The following BMPR2 variants were observed in gnomAD, a reference collection of about 807,000 sequenced individuals.
The protein encoded by BMPR2 is bone morphogenetic protein receptor type-2.
BMPR2 carries 29 observed loss-of-function variants against 100.8 expected under a neutral mutation model. The ratio of observed to expected loss-of-function variants is 0.29; its 90% confidence interval spans 0.21 to 0.39. BMPR2 has a LOEUF of 0.39. Ranked by LOEUF, BMPR2 falls within the 10% of genes least tolerant of loss-of-function variation. The pLI is 1.00. For synonymous variants in BMPR2, 382 were observed against 442.3 expected (o/e 0.86, Z 1.71); for missense variants, 1,011 against 1,274.5 (o/e 0.79, Z 3.15).
intron 1 of BMPR2, among the ~76,000 whole-genome samples, chr2:202,399,131 G>GA (rs1225721740): frequency 5.0e-4 from 73 of 144,772 alleles, no homozygotes; most frequent in Admixed American, 1.1e-3. Context: ...TGTCTCAAGA[G>GA]AAAAAAAAAA....
chr2:202,504,617 A>G (rs1350920920), intron 3 of BMPR2, among the ~76,000 whole-genome samples: 1 of 151,796 alleles, frequency 6.6e-6, no homozygotes, highest in Non-Finnish European at 1.5e-5. Flanking sequence ...TTCCGGACAC[A>G]CTACCAATAA....
intron 1 of BMPR2, among the ~76,000 whole-genome samples, chr2:202,426,593 A>G (rs1691390664): frequency 7.0e-6 from 1 of 142,522 alleles, no homozygotes; most frequent in Admixed American, 7.1e-5. Context: ...AAAAAAAAGT[A>G]AATTTTGGCT....
At chr2:202,535,186 C>A (rs1394006211) in intron 9 of BMPR2, among the ~76,000 whole-genome samples, 1 of 127,726 alleles carries the variant, frequency 7.8e-6, no homozygotes, top group Middle Eastern at 5.1e-3. Context: ...GGGGGGCTGA[C>A]CCCCCCCACC....
At chr2:202,515,474 G>A (rs1265885229) in intron 5 of BMPR2, among the ~76,000 whole-genome samples, 1 of 151,912 alleles carries the variant, frequency 6.6e-6, no homozygotes, top group African/African-American at 2.4e-5. Context: ...AGGAGGCTGA[G>A]GCAGGAGAAT....
chr2:202,386,164 T>C (rs1375726553), intron 1 of BMPR2, among the ~76,000 whole-genome samples: 3 of 152,220 alleles, frequency 2.0e-5, no homozygotes, highest in African/African-American at 7.2e-5. Context: ...CTCTTGGTGA[T>C]CTCATCCAGT....
chr2:202,379,686 C>G (rs1244554149), intron 1 of BMPR2, among the ~76,000 whole-genome samples: 1 of 152,194 alleles, frequency 6.6e-6, no homozygotes, highest in African/African-American at 2.4e-5. Context: ...GTGATGTTAA[C>G]TCGACAGGCG....
chr2:202,452,031 G>C (rs1288261241), intron 1 of BMPR2, among the ~76,000 whole-genome samples: 1 of 152,142 alleles, frequency 6.6e-6, no homozygotes, highest in Non-Finnish European at 1.5e-5. Context: ...TGGGATTACA[G>C]TCGTGAGCCA....
intron 1 of BMPR2, among the ~76,000 whole-genome samples, chr2:202,435,583 A>G (rs1201111275): frequency 2.7e-5 from 4 of 149,798 alleles, no homozygotes; most frequent in Non-Finnish European, 5.9e-5. Context: ...TTGTCTAAGT[A>G]TAGTGTTTAT....
At position 202,558,111 on chromosome 2, in the gene BMPR2, G is replaced by A. The variant is rs967567987; in HGVS notation, c.2866+1580G>A. ...AGGTGGGTGGGTCACTTGAGGCCAG[G>A]AGTTCAAGACTAGCCTGGGCAACAT... On this transcript the variant is annotated intron_variant, in intron 12 of 12. Coordinates refer to ENST00000374580, the MANE Select transcript of BMPR2 (RefSeq NM_001204.7). 3.3e-5 allele frequency among the ~76,000 whole-genome samples: 5 copies of A among 151,976 alleles called. No homozygotes were observed. In the East Asian group the frequency reaches 7.8e-4, roughly 24 times the overall value.
At chr2:202,388,384 G>A (rs553215079) in intron 1 of BMPR2, among the ~76,000 whole-genome samples, 54 of 108,084 alleles carry the variant, frequency 5.0e-4, no homozygotes, top group African/African-American at 1.9e-3. Flanking sequence ...GTGACAGAGC[G>A]AGACTCCATC....
intron 1 of BMPR2, among the ~76,000 whole-genome samples, chr2:202,402,862 T>G (rs1690794756): frequency 7.9e-5 from 12 of 151,470 alleles, no homozygotes; most frequent in Non-Finnish European, 1.5e-5. Flanking sequence ...GAGTTTCGCT[T>G]TTGTCGTCTA....
At chr2:202,446,089 C>G (rs1033009576) in intron 1 of BMPR2, among the ~76,000 whole-genome samples, 3 of 150,326 alleles carry the variant, frequency 2.0e-5, no homozygotes, top group Non-Finnish European at 4.4e-5. Flanking sequence ...CAATTTTATA[C>G]AAAGAATTTG....
intron 1 of BMPR2, among the ~76,000 whole-genome samples, chr2:202,435,771 C>A (rs1019264164): frequency 1.3e-5 from 2 of 150,180 alleles, no homozygotes; most frequent in Admixed American, 1.3e-4. Flanking sequence ...TGTTTAGATA[C>A]ACAGATACTA....
At chr2:202,527,598 A>G (rs1257173477) in intron 7 of BMPR2, among the ~76,000 whole-genome samples, 1 of 149,586 alleles carries the variant, frequency 6.7e-6, no homozygotes, top group Admixed American at 6.7e-5. Context: ...ATCCTGGCTA[A>G]CAAGGTGAAA....
intron 1 of BMPR2, among the ~76,000 whole-genome samples, chr2:202,419,980 A>G (rs1691225902): frequency 6.6e-6 from 1 of 152,130 alleles, no homozygotes; most frequent in Non-Finnish European, 1.5e-5. Context: ...GAGACCTCGT[A>G]TCTATTTTAC....
At chr2:202,512,502 C>T (rs1687642874) in intron 3 of BMPR2, among the ~76,000 whole-genome samples, 1 of 152,198 alleles carries the variant, frequency 6.6e-6, no homozygotes, top group African/African-American at 2.4e-5. Flanking sequence ...GATGTGAAGA[C>T]AGCTATCATA....
At chr2:202,404,904 A>C (rs1266243357) in intron 1 of BMPR2, among the ~76,000 whole-genome samples, 1 of 151,758 alleles carries the variant, frequency 6.6e-6, no homozygotes, top group African/African-American at 2.4e-5. Context: ...GCTCACTGGC[A>C]CCTCAACCTT....
rs575305270 is a variant in BMPR2 at position 202,447,680 on chromosome 2, A to AC, written c.77-17128dup. 8.0e-4 allele frequency among the ~76,000 whole-genome samples: 121 copies of AC among 150,914 alleles called. 2 individuals carry two copies. The highest frequency in any genetic ancestry group is 1.4e-3 in the Non-Finnish European group (96 of 68,026). On this transcript the variant is annotated intron_variant, in intron 1 of 12. Coordinates refer to ENST00000374580, the MANE Select transcript of BMPR2 (RefSeq NM_001204.7). The stretch of plus-strand genomic sequence containing the variant: ...GGGTGACAGAGCAAGACCCTGTCTC[A>AC]CATACACAAGAAGAGAGAAATGATT...
Position 202,421,923 on chromosome 2 carries a change from G to C in BMPR2, c.77-42886G>C, listed in dbSNP as rs192023487. ...AAGTTTGTATTTTGTTGTGGTGGTT[G>C]TTTTGAGATGGAGTCTCGCTCTATT... is the stretch of plus-strand genomic sequence containing the variant. On this transcript the variant is annotated intron_variant, in intron 1 of 12. Transcript: ENST00000374580. Among the ~76,000 whole-genome samples the C allele has an allele frequency of 5.1e-4, 78 of 152,188 alleles. 1 individual carries two copies. The highest frequency in any genetic ancestry group is 3.4e-3 in the Middle Eastern group (1 of 294).
Sources: allele counts gnomAD v4.1 joint callset (sites outside exome capture counted in the v4.1 genomes callset), GRCh38; gene constraint gnomAD v4.1.1; transcripts MANE v1.5; gene names NCBI Gene and HGNC (gene_info 2026-07-23, HGNC 2026-07-21).